R3HCC1L: variants seen among roughly 807,000 people sequenced by gnomAD.
R3HCC1L encodes R3H domain and coiled-coil containing 1 like, also known as coiled-coil domain-containing protein R3HCC1L.
Under a neutral mutation model 59.9 loss-of-function variants are expected in R3HCC1L, and 51 were observed. The observed-to-expected ratio is 0.85, with a 90% CI of 0.68 to 1.07. The LOEUF is 1.07. Among genes scored for constraint, R3HCC1L ranks in the 50% least tolerant of loss-of-function variants. The pLI is 0.00. For missense variants in R3HCC1L, 965 were observed against 933.0 expected (o/e 1.03, Z -0.45); for synonymous variants, 322 against 315.2 (o/e 1.02, Z -0.23).
chr10:98,211,384 G>T, intron 5 of R3HCC1L: 1 of 1,508,578 alleles, frequency 6.6e-7, no homozygotes, highest in Non-Finnish European at 8.8e-7. Flanking sequence ...ATGTGAGTAG[G>T]GAACTGCAAA....
intron 5 of R3HCC1L, among the ~76,000 whole-genome samples, chr10:98,217,852 T>G (rs1016555402): frequency 7.9e-5 from 12 of 152,138 alleles, no homozygotes; most frequent in Non-Finnish European, 1.3e-4. Context: ...AAATGCTGAG[T>G]TATATTGGCT....
At chr10:98,159,239 G>T (rs1201546955) in intron 2 of R3HCC1L, among the ~76,000 whole-genome samples, 7 of 152,184 alleles carry the variant, frequency 4.6e-5, no homozygotes, top group African/African-American at 1.4e-4. Context: ...GTATTGTTAT[G>T]CTTTTACATC....
intron 4 of R3HCC1L, among the ~76,000 whole-genome samples, chr10:98,202,419 A>T (rs1311516831): frequency 2.0e-5 from 3 of 152,198 alleles, no homozygotes; most frequent in Non-Finnish European, 4.4e-5. Context: ...TCACTGAAGG[A>T]CAGGTGGAAA....
rs1459889801 is a variant in R3HCC1L, at chr10:98,244,897, A to G, written c.*739A>G. Reference sequence around the variant, plus strand: ...CATTAAAGCCCATTTTATGACATATATCACTGTGGTGTTTGTTGGTTTTTG... The same window carrying G: ...CATTAAAGCCCATTTTATGACATATGTCACTGTGGTGTTTGTTGGTTTTTG... On this transcript the variant is annotated 3_prime_UTR_variant, in exon 10 of 10. Coordinates refer to ENST00000298999, the MANE Select transcript of R3HCC1L (RefSeq NM_001351015.2). 6.6e-6 allele frequency: 1 copy of G among 152,240 alleles called. No individual in the cohort carries two copies. Among genetic ancestry groups the G allele is most frequent in the East Asian group, 1.9e-4 (1 of 5,198 alleles). 9.4% of individuals were successfully genotyped at this position (152,240 alleles called of 1,614,324 possible). A position where few individuals can be genotyped will look rare whatever the true frequency, so the allele number is the denominator to read the frequency against.
At chr10:98,167,159 A>T (rs189114969) in intron 4 of R3HCC1L, among the ~76,000 whole-genome samples, 5 of 151,888 alleles carry the variant, frequency 3.3e-5, no homozygotes, top group African/African-American at 1.2e-4. Flanking sequence ...TTCGTTCAGG[A>T]CATGATTCTT....
At chr10:98,184,241 T>G (rs920595388) in intron 4 of R3HCC1L, among the ~76,000 whole-genome samples, 1 of 152,180 alleles carries the variant, frequency 6.6e-6, no homozygotes, top group Non-Finnish European at 1.5e-5. Context: ...AACTTGCATC[T>G]CAGAGAAGGT....
Position 98,146,976 on chromosome 10 carries a change from G to A in R3HCC1L, c.-267-9117G>A, listed in dbSNP as rs369769155. Among the ~76,000 whole-genome samples the A allele has an allele frequency of 3.3e-5, 5 of 152,174 alleles. No individual in the cohort carries two copies. The South Asian group carries it at 1.0e-3, about 32-fold the overall frequency. ...GACTCTATTTTTCATTTTTTGAGGA[G>A]CCTCCATACTGTTCCCCATAGTGGC... On this transcript the variant is annotated intron_variant, in intron 1 of 9. Coordinates refer to ENST00000298999, the MANE Select transcript of R3HCC1L (RefSeq NM_001351015.2).
intron 5 of R3HCC1L, among the ~76,000 whole-genome samples, chr10:98,211,912 C>T (rs766195037): frequency 1.3e-5 from 2 of 151,976 alleles, no homozygotes; most frequent in African/African-American, 2.4e-5. Flanking sequence ...CTCAGTATTT[C>T]GAGGAGCATA....
chr10:98,137,029 T>C (rs1844663343), intron 1 of R3HCC1L, among the ~76,000 whole-genome samples: 1 of 152,034 alleles, frequency 6.6e-6, no homozygotes. Flanking sequence ...GCCAACATGG[T>C]GAAACCCCAT....
chr10:98,222,801 TAAAGAAAA>T lies in R3HCC1L; in HGVS notation c.1786-8705_1786-8698del, dbSNP rs1375613723. ...ATTGATAGACCGCTAGCAAGACTAA[TAAAGAAAA>T]AAAGAGAGAAGAATCTAATAGATGC... On this transcript the variant is annotated intron_variant, in intron 5 of 9. Coordinates refer to ENST00000298999, the MANE Select transcript of R3HCC1L (RefSeq NM_001351015.2). Among the ~76,000 whole-genome samples the T allele has an allele frequency of 6.6e-5, 10 of 150,904 alleles. No homozygotes were observed. In the East Asian group the frequency reaches 1.9e-3, roughly 29 times the overall value.
intron 5 of R3HCC1L, among the ~76,000 whole-genome samples, chr10:98,226,082 T>A (rs1855642124): frequency 6.6e-6 from 1 of 152,090 alleles, no homozygotes; most frequent in Admixed American, 6.5e-5. Flanking sequence ...TCAAGCAGTT[T>A]GCCTGCCTGG....
At chr10:98,187,661 A>G (rs1202959343) in intron 4 of R3HCC1L, among the ~76,000 whole-genome samples, 1 of 151,864 alleles carries the variant, frequency 6.6e-6, no homozygotes, top group Non-Finnish European at 1.5e-5. Flanking sequence ...ATATATACAA[A>G]TTGAGAAAGG....
chr10:98,182,793 G>GT (rs1437556041), intron 4 of R3HCC1L, among the ~76,000 whole-genome samples: 1 of 152,156 alleles, frequency 6.6e-6, no homozygotes, highest in African/African-American at 2.4e-5. Flanking sequence ...TTCGATCTTG[G>GT]ACTGCTGTAC....
intron 4 of R3HCC1L, among the ~76,000 whole-genome samples, chr10:98,190,466 GTA>G (rs1850704393): frequency 6.6e-6 from 1 of 151,962 alleles, no homozygotes; most frequent in Non-Finnish European, 1.5e-5. Flanking sequence ...TATGCCTGTT[GTA>G]TACTTTTCTG....
chr10:98,225,990 G>T (rs557651716), intron 5 of R3HCC1L, among the ~76,000 whole-genome samples: 69 of 152,250 alleles, frequency 4.5e-4, no homozygotes, highest in Non-Finnish European at 9.3e-4. Context: ...GGGATTACAG[G>T]TGTGTGCCTC....
intron 1 of R3HCC1L, among the ~76,000 whole-genome samples, chr10:98,153,411 A>G (rs1430334886): frequency 1.3e-5 from 2 of 152,190 alleles, no homozygotes; most frequent in East Asian, 3.9e-4. Context: ...GTTTGAAGGC[A>G]GCAGACTCGT....
chr10:98,220,085 A>G (rs1289225859), intron 5 of R3HCC1L, among the ~76,000 whole-genome samples: 1 of 152,078 alleles, frequency 6.6e-6, no homozygotes, highest in African/African-American at 2.4e-5. Context: ...ATTTTCTGAC[A>G]GGGTTATTTC....
intron 1 of R3HCC1L, among the ~76,000 whole-genome samples, chr10:98,139,758 A>AT (rs758362233): frequency 5.3e-5 from 8 of 151,844 alleles, no homozygotes; most frequent in Non-Finnish European, 7.4e-5. Flanking sequence ...TGTGGTGTCC[A>AT]TTTTTCACTG....
intron 1 of R3HCC1L, among the ~76,000 whole-genome samples, chr10:98,151,821 T>C (rs1481927362): frequency 6.6e-6 from 1 of 152,066 alleles, no homozygotes; most frequent in Non-Finnish European, 1.5e-5. Context: ...GTTATATGAA[T>C]TGGGATTAGA....
Sources: allele counts gnomAD v4.1 joint callset (sites outside exome capture counted in the v4.1 genomes callset), GRCh38; gene constraint gnomAD v4.1.1; transcripts MANE v1.5; gene names NCBI Gene and HGNC (gene_info 2026-07-23, HGNC 2026-07-21).